Variants in EEF1AKMT2 observed in about 807,000 individuals in gnomAD.
The protein encoded by EEF1AKMT2 is EEF1A lysine methyltransferase 2.
In EEF1AKMT2, 32 loss-of-function variants were observed where a neutral mutation model predicts 35.8. That is an observed-to-expected ratio of 0.89 (90% confidence interval 0.67 to 1.20). EEF1AKMT2 has a LOEUF of 1.20. EEF1AKMT2 is among the 50% of genes most tolerant of loss of function. EEF1AKMT2 has a pLI of 0.00. For missense variants in EEF1AKMT2, 330 were observed against 347.5 expected (o/e 0.95, Z 0.40); for synonymous variants, 121 against 133.7 (o/e 0.91, Z 0.65).
intron 3 of EEF1AKMT2, among the ~76,000 whole-genome samples, chr10:124,786,382 T>C (rs953167720): frequency 6.6e-6 from 1 of 151,830 alleles, no homozygotes; most frequent in African/African-American, 2.4e-5. Context: ...GGTGGGTGCC[T>C]GTAATCCCAG....
chr10:124,765,673 C>A, intron 4 of EEF1AKMT2, 65 bp from the exon 5 acceptor site: 3 of 1,226,332 alleles, frequency 2.4e-6, no homozygotes, highest in Non-Finnish European at 3.5e-6. Context: ...ATGTAAGTGA[C>A]AACCTGTAAA....
At chr10:124,775,729 T>A (rs1424654272) in intron 3 of EEF1AKMT2, among the ~76,000 whole-genome samples, 1 of 152,206 alleles carries the variant, frequency 6.6e-6, no homozygotes, top group Admixed American at 6.5e-5. Context: ...AATTACTTTC[T>A]ACAGGTAGAT....
rs1950340372 is a variant in EEF1AKMT2 at position 124,762,428 on chromosome 10, T to C, written c.747A>G (p.Val249=). The C allele has an allele frequency of 1.5e-6, 2 of 1,299,792 alleles. No individual in the cohort carries two copies. The highest frequency in any genetic ancestry group is 2.0e-6 in the Non-Finnish European group (2 of 985,190). 80.5% of individuals were successfully genotyped at this position (1,299,792 alleles called of 1,614,324 possible). ...GGCAAAACCTCGTCTCTGCTAAAAA[T>C]ACAAAAATTATCCAGGCATGATGAT... ...GTHHHAWIIF[V]FLAETRFCHV... is the part of the protein sequence containing the mutation. The change falls in exon 6 of 7, where the codon GTA becomes GTG. Residue 249 remains valine (V), a synonymous_variant. Coordinates refer to ENST00000368836, the MANE Select transcript of EEF1AKMT2 (RefSeq NM_212554.4).
intron 4 of EEF1AKMT2, among the ~76,000 whole-genome samples, chr10:124,769,149 T>C (rs1272507703): frequency 3.5e-5 from 5 of 144,682 alleles, no homozygotes; most frequent in African/African-American, 7.7e-5. Flanking sequence ...GCCCAGGAGA[T>C]TGAGGCTGCA....
At chr10:124,778,240 A>T (rs1212857991) in intron 3 of EEF1AKMT2, among the ~76,000 whole-genome samples, 2 of 152,168 alleles carry the variant, frequency 1.3e-5, no homozygotes, top group African/African-American at 4.8e-5. Context: ...ATATATGTAT[A>T]CCCAATCCAT....
Position 124,765,397 on chromosome 10 carries a change from C to T in EEF1AKMT2, c.611G>A (p.Ser204Asn), listed in dbSNP as rs780390425. 6 of 1,613,508 alleles carry T rather than the reference C, an allele frequency of 3.7e-6. No homozygotes were observed. The Admixed American group carries it at 8.3e-5, about 22-fold the overall frequency. ...WTKEELLNEF[S>N]EGWSTVAGFW... ...AACACCATATAGTCACTTACCTTCA[C>T]TGAATTCATTTAGCAACTCTTCCTT... Residue 204 changes from serine to asparagine, a missense_variant, in exon 5 of 7, where the codon AGT (serine) becomes AAT (asparagine). Ser to Asn is a conservative substitution (Grantham distance 46). Coordinates refer to ENST00000368836, the MANE Select transcript of EEF1AKMT2 (RefSeq NM_212554.4).
chr10:124,764,204 G>A (rs1430291141), intron 5 of EEF1AKMT2, among the ~76,000 whole-genome samples: 2 of 150,510 alleles, frequency 1.3e-5, no homozygotes, highest in African/African-American at 4.9e-5. Flanking sequence ...ATTAGCTTGT[G>A]ACAACTGAGG....
chr10:124,778,359 CAGTAT>C (rs1335280788), intron 3 of EEF1AKMT2, among the ~76,000 whole-genome samples: 9 of 152,006 alleles, frequency 5.9e-5, no homozygotes, highest in Non-Finnish European at 4.4e-5. Context: ...ATTCAAGAAA[CAGTAT>C]AAATTCAAGG....
chr10:124,762,683 C>A (rs1019384284), intron 5 of EEF1AKMT2, 125 bp from the exon 6 acceptor site: 13 of 461,088 alleles, frequency 2.8e-5, no homozygotes, highest in Middle Eastern at 1.6e-3. Flanking sequence ...TTCACCAAAT[C>A]ATAATAACCG....
intron 2 of EEF1AKMT2, among the ~76,000 whole-genome samples, chr10:124,789,883 C>T (rs1950619140): frequency 7.2e-6 from 1 of 139,484 alleles, no homozygotes; most frequent in Admixed American, 8.1e-5. Flanking sequence ...TGGGTATAAG[C>T]ACTTGAATAT....
At chr10:124,782,847 CAAT>C (rs1374094067) in intron 3 of EEF1AKMT2, 1 of 215,346 alleles carries the variant, frequency 4.6e-6, no homozygotes, top group Admixed American at 5.6e-5. Context: ...AAAGGGAAAA[CAAT>C]AAAATGTAGA....
intron 3 of EEF1AKMT2, among the ~76,000 whole-genome samples, chr10:124,785,267 A>T (rs1185041048): frequency 2.0e-5 from 3 of 151,094 alleles, no homozygotes; most frequent in Non-Finnish European, 4.4e-5. Flanking sequence ...AAAAAAAAAA[A>T]AAAGAATGTA....
chr10:124,772,420 C>CCT (rs1950445000), intron 4 of EEF1AKMT2, among the ~76,000 whole-genome samples: 1 of 75,412 alleles, frequency 1.3e-5, no homozygotes, highest in Admixed American at 2.2e-4. Context: ...TTTTCTTTTT[C>CCT]TTTTTTTTTT....
At chr10:124,782,999 A>G in intron 3 of EEF1AKMT2, 1 of 421,592 alleles carries the variant, frequency 2.4e-6, no homozygotes. Context: ...AAATATAATA[A>G]TAAGGTAAGT....
intron 3 of EEF1AKMT2, among the ~76,000 whole-genome samples, chr10:124,775,588 C>G (rs1175383004): frequency 6.6e-6 from 1 of 152,154 alleles, no homozygotes; most frequent in East Asian, 1.9e-4. Flanking sequence ...CCTTCCTGCT[C>G]TTCACCATTT....
chr10:124,758,505 A>C lies in EEF1AKMT2; in HGVS notation c.*1998T>G, dbSNP rs1254448175. The C allele has an allele frequency of 3.8e-5, 1 of 26,038 alleles. No homozygotes were observed. Among genetic ancestry groups the C allele is most frequent in the African/African-American group, 1.1e-4 (1 of 8,956 alleles). 1.6% of individuals were successfully genotyped at this position (26,038 alleles called of 1,614,324 possible). On this transcript the variant is annotated 3_prime_UTR_variant, in exon 7 of 7. Transcript: ENST00000368836. Reference sequence around the variant, plus strand: ...TAACCTTATCAAAAGCTCTATGGTTAAAAAAAAAAAAAAAAAGAAAACCTT... The same window carrying C: ...TAACCTTATCAAAAGCTCTATGGTTCAAAAAAAAAAAAAAAAGAAAACCTT...
At chr10:124,765,712 A>G (rs903273713) in intron 4 of EEF1AKMT2, 104 bp from the exon 5 acceptor site, 1 of 780,638 alleles carries the variant, frequency 1.3e-6, no homozygotes, top group African/African-American at 1.8e-5. Flanking sequence ...CCCATTAATT[A>G]TAATGGCATT....
intron 3 of EEF1AKMT2, among the ~76,000 whole-genome samples, chr10:124,784,364 T>C (rs554048882): frequency 6.6e-6 from 1 of 151,834 alleles, no homozygotes; most frequent in South Asian, 2.1e-4. Flanking sequence ...TTAGAAAAAT[T>C]AGAAAATATT....
At chr10:124,782,925 T>C (rs568722286) in intron 3 of EEF1AKMT2, 1 of 416,196 alleles carries the variant, frequency 2.4e-6, no homozygotes, top group Admixed American at 3.0e-5. Context: ...AGTTAAAGGT[T>C]AGAGATTGTT....
Sources: gnomAD v4.1 joint callset for allele counts (sites outside exome capture counted in the v4.1 genomes callset) on GRCh38, gnomAD v4.1.1 for gene constraint, MANE v1.5 for transcripts, NCBI Gene and HGNC (gene_info 2026-07-23, HGNC 2026-07-21) for gene names.